The following SEMA5B variants were observed in gnomAD, a reference collection of about 807,000 sequenced individuals.
The protein encoded by SEMA5B is semaphorin 5B.
A neutral mutation model predicts 135.0 loss-of-function variants in SEMA5B; 66 were observed. The ratio of observed to expected loss-of-function variants is 0.49; its 90% CI spans 0.40 to 0.60. The LOEUF is 0.60. SEMA5B is among the 20% of genes least tolerant of loss of function. The pLI, the probability that SEMA5B is intolerant of heterozygous loss-of-function variation, is 0.00. For missense variants in SEMA5B, 1,501 were observed against 1,566.3 expected, an observed-to-expected ratio of 0.96 and a Z score of 0.70; for synonymous variants, 690 against 639.5, an observed-to-expected ratio of 1.08 and a Z score of -1.19.
At chr3:122,926,196 C>A (rs1938620936) in intron 9 of SEMA5B, among the ~76,000 whole-genome samples, 196 bp downstream of exon 9, 1 of 152,248 alleles carries the variant, frequency 6.6e-6, no homozygotes, top group African/African-American at 2.4e-5. Context: ...CTTTATTCAT[C>A]TCTGGCCTAG....
chr3:122,942,422 C>T (rs138385751), intron 4 of SEMA5B, among the ~76,000 whole-genome samples: 1 of 152,332 alleles, frequency 6.6e-6, no homozygotes, highest in African/African-American at 2.4e-5. Flanking sequence ...AGTGGCCATC[C>T]TCTCCCCAAC....
chr3:122,919,274 C>T (rs1938236126), intron 12 of SEMA5B, among the ~76,000 whole-genome samples: 2 of 152,054 alleles, frequency 1.3e-5, no homozygotes, highest in African/African-American at 4.8e-5. Context: ...GGTAGGTTAC[C>T]CCTCTCAAAG....
chr3:123,014,564 C>T (rs1447730341), intron 1 of SEMA5B, among the ~76,000 whole-genome samples: 1 of 152,238 alleles, frequency 6.6e-6, no homozygotes, highest in Non-Finnish European at 1.5e-5. Flanking sequence ...ATCCTGGCCG[C>T]CTGCAGGGAA....
At chr3:122,951,384 C>T (rs1268442267) in intron 2 of SEMA5B, among the ~76,000 whole-genome samples, 1 of 152,002 alleles carries the variant, frequency 6.6e-6, no homozygotes, top group Non-Finnish European at 1.5e-5. Flanking sequence ...CAGTAAATAC[C>T]TTTTTATATT....
At chr3:122,998,518 G>A (rs1942083792) in intron 1 of SEMA5B, among the ~76,000 whole-genome samples, 1 of 152,168 alleles carries the variant, frequency 6.6e-6, no homozygotes, top group Admixed American at 6.5e-5. Flanking sequence ...AGGTGAACGT[G>A]TTCTGGAAAT....
intron 2 of SEMA5B, among the ~76,000 whole-genome samples, chr3:122,952,028 C>T (rs73193899): frequency 0.013 from 1,936 of 152,330 alleles, 19 homozygotes; most frequent in Non-Finnish European, 0.018. Flanking sequence ...CTTCTCCCCC[C>T]ACTCCCTCCC....
chr3:122,974,738 A>T (rs1941253367), intron 1 of SEMA5B, among the ~76,000 whole-genome samples: 1 of 152,174 alleles, frequency 6.6e-6, no homozygotes, highest in Non-Finnish European at 1.5e-5. Flanking sequence ...CTTCTTGGAG[A>T]CAGAAAGATG....
In SEMA5B at chr3:122,966,857, CTATTACTATTATTATTAT is replaced by C. The variant is rs1209505572; in HGVS notation, c.-38-5574_-38-5557del. On this transcript the variant is annotated intron_variant, in intron 1 of 22. Transcript: ENST00000357599. ...ACAGGCGTGAGCCACCACACCCGGC[CTATTACTATTATTATTAT>C]TATTATTATTATTATTATTATTATT... Among the ~76,000 whole-genome samples, 203 of 88,196 alleles carry C rather than the reference CTATTACTATTATTATTAT, an allele frequency of 2.3e-3. 1 individual carries two copies. The highest frequency in any genetic ancestry group is 2.5e-3 in the Non-Finnish European group (127 of 50,020). The allele number at this position is 88,196 out of a possible 152,430, so 57.9% of individuals were successfully genotyped here. A position where few individuals can be genotyped will look rare whatever the true frequency, so the allele number is the denominator to read the frequency against.
chr3:123,001,482 T>C (rs1576402213), intron 1 of SEMA5B, among the ~76,000 whole-genome samples: 1 of 152,134 alleles, frequency 6.6e-6, no homozygotes, highest in South Asian at 2.1e-4. Flanking sequence ...TAAACCTTTT[T>C]CCCTTCATAC....
intron 1 of SEMA5B, among the ~76,000 whole-genome samples, chr3:122,965,658 G>A (rs951710295): frequency 6.6e-6 from 1 of 152,210 alleles, no homozygotes; most frequent in African/African-American, 2.4e-5. Context: ...TCTGTTTAAA[G>A]TTATTGTAGA....
intron 5 of SEMA5B, among the ~76,000 whole-genome samples, chr3:122,931,669 T>G (rs6800437): frequency 0.22 from 33,462 of 152,148 alleles, 3,821 homozygotes; most frequent in Middle Eastern, 0.32. Flanking sequence ...TCATTTTTGC[T>G]GTTTGTCTGT....
chr3:122,917,654 G>T (rs1299776829), intron 12 of SEMA5B, among the ~76,000 whole-genome samples: 1 of 152,158 alleles, frequency 6.6e-6, no homozygotes, highest in East Asian at 1.9e-4. Context: ...TGCTGCTCTT[G>T]GCCAACCCGC....
At chr3:122,912,476 C>T in intron 18 of SEMA5B, 134 bp from the exon 19 acceptor site, 1 of 816,570 alleles carries the variant, frequency 1.2e-6, no homozygotes, top group Non-Finnish European at 1.8e-6. Flanking sequence ...ACCCGCCACC[C>T]AACAGTCCAC....
At chr3:123,006,553 G>T (rs984332814) in intron 1 of SEMA5B, among the ~76,000 whole-genome samples, 2 of 152,210 alleles carry the variant, frequency 1.3e-5, no homozygotes, top group African/African-American at 4.8e-5. Flanking sequence ...TGCTGGTGCT[G>T]CCCTGAGTGC....
intron 1 of SEMA5B, among the ~76,000 whole-genome samples, chr3:122,983,239 A>G (rs1447814731): frequency 2.6e-5 from 4 of 152,116 alleles, no homozygotes; most frequent in Admixed American, 6.5e-5. Context: ...AACCAGAAGT[A>G]CATCTAAGTC....
intron 1 of SEMA5B, among the ~76,000 whole-genome samples, chr3:122,989,121 A>G (rs761163998): frequency 6.6e-6 from 1 of 152,238 alleles, no homozygotes; most frequent in Non-Finnish European, 1.5e-5. Flanking sequence ...TTTTGCATCT[A>G]ACCAGCATAT....
chr3:122,914,764 GT>G (rs1937973098), intron 14 of SEMA5B, among the ~76,000 whole-genome samples: 2 of 152,096 alleles, frequency 1.3e-5, no homozygotes, highest in Admixed American at 1.3e-4. Context: ...TGAGACTCCT[GT>G]TTCTACAAAA....
intron 1 of SEMA5B, among the ~76,000 whole-genome samples, chr3:122,968,035 G>A (rs928594761): frequency 3.3e-5 from 5 of 152,216 alleles, no homozygotes; most frequent in African/African-American, 4.8e-5. Flanking sequence ...TGACCTCCCC[G>A]GCTACCACCT....
chr3:122,911,463 A>G, intron 21 of SEMA5B, 28 bp downstream of exon 21: 2 of 1,599,116 alleles, frequency 1.3e-6, no homozygotes, highest in South Asian at 2.3e-5. Flanking sequence ...GGAGGACCGC[A>G]GCATGAGGTA....
Sources: gnomAD v4.1 joint callset for allele counts (sites outside exome capture counted in the v4.1 genomes callset) on GRCh38, gnomAD v4.1.1 for gene constraint, MANE v1.5 for transcripts, NCBI Gene and HGNC (gene_info 2026-07-23, HGNC 2026-07-21) for gene names.